TBC1D22A: variants seen among roughly 807,000 people sequenced by gnomAD.
TBC1D22A encodes TBC1 domain family member 22A.
In TBC1D22A, 38 loss-of-function variants were observed where a neutral mutation model predicts 60.2. The ratio of observed to expected loss-of-function variants is 0.63; its 90% CI spans 0.49 to 0.83. The LOEUF (loss-of-function observed/expected upper bound fraction) is 0.83. TBC1D22A is among the 40% of genes least tolerant of loss of function. The probability of loss-of-function intolerance (pLI) is 0.00; values close to 1 mark genes in which losing one functional copy is unlikely to be tolerated. For missense variants in TBC1D22A, 628 were observed against 701.0 expected (o/e 0.90, Z 1.18); for synonymous variants, 302 against 281.7 (o/e 1.07, Z -0.72).
intron 10 of TBC1D22A, among the ~76,000 whole-genome samples, chr22:47,005,744 T>A (rs879700777): frequency 3.4e-5 from 5 of 147,648 alleles, no homozygotes; most frequent in African/African-American, 5.1e-5. Context: ...ACATGTACAC[T>A]CCCGTATACA....
chr22:46,766,991 C>A (rs2083311480), intron 1 of TBC1D22A, among the ~76,000 whole-genome samples: 2 of 152,202 alleles, frequency 1.3e-5, no homozygotes, highest in Admixed American at 1.3e-4. Flanking sequence ...CTCATTCTTG[C>A]ATTGTCAGTA....
intron 12 of TBC1D22A, among the ~76,000 whole-genome samples, chr22:47,133,886 GTC>G (rs148989583): frequency 1.3e-4 from 19 of 150,850 alleles, no homozygotes; most frequent in Non-Finnish European, 2.2e-4. Flanking sequence ...TCCGTGGGCT[GTC>G]TCTCTCTCTC....
At chr22:46,821,567 A>C (rs2085832841) in intron 4 of TBC1D22A, among the ~76,000 whole-genome samples, 1 of 152,142 alleles carries the variant, frequency 6.6e-6, no homozygotes, top group South Asian at 2.1e-4. Flanking sequence ...AAGAATGTTG[A>C]ATATTGATTC....
chr22:46,933,626 G>A (rs11090916), intron 8 of TBC1D22A, among the ~76,000 whole-genome samples: 1 of 143,240 alleles, frequency 7.0e-6, no homozygotes, highest in East Asian at 2.0e-4. Flanking sequence ...AGAGACCACT[G>A]GGGGGGGGTT....
intron 11 of TBC1D22A, among the ~76,000 whole-genome samples, chr22:47,051,685 C>T (rs190979628): frequency 2.8e-4 from 43 of 152,300 alleles, no homozygotes; most frequent in South Asian, 2.7e-3. Context: ...GAGCCCTGGC[C>T]GCTTGCCTGG....
chr22:46,949,769 C>T (rs1363558478), intron 8 of TBC1D22A, among the ~76,000 whole-genome samples: 4 of 152,340 alleles, frequency 2.6e-5, no homozygotes, highest in Middle Eastern at 3.4e-3. Flanking sequence ...GAAAGTGTTG[C>T]AGTCTTTAAT....
At chr22:46,851,531 C>T (rs1240422650) in intron 4 of TBC1D22A, among the ~76,000 whole-genome samples, 1 of 152,258 alleles carries the variant, frequency 6.6e-6, no homozygotes, top group Non-Finnish European at 1.5e-5. Context: ...AAGGCACTGA[C>T]CCAGTTTGTT....
chr22:47,011,026 T>C (rs755796633), intron 10 of TBC1D22A, among the ~76,000 whole-genome samples: 4 of 152,210 alleles, frequency 2.6e-5, no homozygotes, highest in Non-Finnish European at 4.4e-5. Flanking sequence ...TTTATCTGTA[T>C]CATTGTGCTG....
intron 11 of TBC1D22A, among the ~76,000 whole-genome samples, chr22:47,042,571 C>T (rs114662886): frequency 9.8e-4 from 149 of 152,360 alleles, no homozygotes; most frequent in African/African-American, 3.6e-3. Flanking sequence ...GGCAGTCTGG[C>T]AGTGCCATTT....
At chr22:46,941,105 GCATACA>G (rs1569246973) in intron 8 of TBC1D22A, among the ~76,000 whole-genome samples, 1 of 56,684 alleles carries the variant, frequency 1.8e-5, no homozygotes, top group African/African-American at 7.6e-5. Flanking sequence ...TGGGGCACTA[GCATACA>G]CACACACACA....
chr22:46,997,473 T>C (rs2075158757), intron 9 of TBC1D22A, among the ~76,000 whole-genome samples, 161 bp from the exon 10 acceptor site: 1 of 152,250 alleles, frequency 6.6e-6, no homozygotes, highest in African/African-American at 2.4e-5. Flanking sequence ...GGCGCTGTGC[T>C]GTGCAGGGTG....
intron 9 of TBC1D22A, among the ~76,000 whole-genome samples, chr22:46,980,137 T>C (rs371740564): frequency 1.0e-3 from 159 of 152,280 alleles, no homozygotes; most frequent in African/African-American, 3.6e-3. Flanking sequence ...TTAAGGAGAA[T>C]GAAACAGTTT....
chr22:47,167,109 C>A (rs1018312240), intron 12 of TBC1D22A, among the ~76,000 whole-genome samples: 3 of 152,202 alleles, frequency 2.0e-5, no homozygotes, highest in African/African-American at 4.8e-5. Context: ...TAAATCATCA[C>A]GTTTTCTCCC....
chr22:46,961,895 G>A (rs1379782600), intron 8 of TBC1D22A, among the ~76,000 whole-genome samples: 1 of 152,226 alleles, frequency 6.6e-6, no homozygotes, highest in Admixed American at 6.5e-5. Flanking sequence ...GTTTGAGTGT[G>A]AGTGTGTCTG....
intron 12 of TBC1D22A, among the ~76,000 whole-genome samples, chr22:47,162,904 G>A (rs1381586086): frequency 1.3e-5 from 2 of 152,160 alleles, no homozygotes; most frequent in South Asian, 2.1e-4. Flanking sequence ...CCTCGAGCAG[G>A]ATTTAAAGCA....
At chr22:47,073,978 G>A (rs2064108524) in intron 11 of TBC1D22A, among the ~76,000 whole-genome samples, 1 of 152,130 alleles carries the variant, frequency 6.6e-6, no homozygotes, top group African/African-American at 2.4e-5. Context: ...AAAATTAGCT[G>A]AGTATGGTGG....
intron 8 of TBC1D22A, among the ~76,000 whole-genome samples, chr22:46,958,204 ACCT>A (rs1468796396): frequency 1.3e-5 from 2 of 151,442 alleles, no homozygotes; most frequent in African/African-American, 4.9e-5. Flanking sequence ...GGCGGTTGTG[ACCT>A]CCTGGGAGTT....
chr22:47,083,861 A>G (rs1446789543), intron 11 of TBC1D22A, among the ~76,000 whole-genome samples: 1 of 152,234 alleles, frequency 6.6e-6, no homozygotes, highest in African/African-American at 2.4e-5. Context: ...ATGGCTGACA[A>G]CGAAAGGATT....
chr22:46,904,270 C>T (rs933096975), intron 7 of TBC1D22A, among the ~76,000 whole-genome samples: 2 of 151,916 alleles, frequency 1.3e-5, no homozygotes, highest in Admixed American at 6.6e-5. Context: ...GCTTCAGAGT[C>T]CCACAGCATG....
Sources: allele counts gnomAD v4.1 joint callset (sites outside exome capture counted in the v4.1 genomes callset), GRCh38; gene constraint gnomAD v4.1.1; transcripts MANE v1.5; gene names NCBI Gene and HGNC (gene_info 2026-07-23, HGNC 2026-07-21).